The following TMEM117 variants were observed in gnomAD, a reference collection of about 807,000 sequenced individuals.
The protein encoded by TMEM117 is transmembrane protein 117.
In TMEM117, 27 loss-of-function variants were observed where a neutral mutation model predicts 52.4. That is an observed-to-expected ratio of 0.51 (90% CI 0.38 to 0.71). The LOEUF is 0.71. Among genes scored for constraint, TMEM117 ranks in the 30% least tolerant of loss-of-function variants. The pLI is 0.00. For missense variants in TMEM117, 556 were observed against 630.5 expected, an observed-to-expected ratio of 0.88 and a Z score of 1.26; for synonymous variants, 215 against 206.3, an observed-to-expected ratio of 1.04 and a Z score of -0.36.
intron 2 of TMEM117, among the ~76,000 whole-genome samples, chr12:43,897,246 G>C (rs747156242): frequency 8.6e-5 from 13 of 151,514 alleles, no homozygotes; most frequent in Admixed American, 3.3e-4. Context: ...GACTTTTGTG[G>C]TACTGAATTA....
At chr12:44,206,095 T>G (rs2138382522) in intron 4 of TMEM117, among the ~76,000 whole-genome samples, 1 of 152,318 alleles carries the variant, frequency 6.6e-6, no homozygotes, top group Non-Finnish European at 1.5e-5. Context: ...GCATTATTTC[T>G]TTTAATTTTA....
At chr12:43,917,533 C>A (rs186108074) in intron 2 of TMEM117, among the ~76,000 whole-genome samples, 1 of 152,246 alleles carries the variant, frequency 6.6e-6, no homozygotes, top group African/African-American at 2.4e-5. Flanking sequence ...ACTGTCACCC[C>A]AGTGGGCAGT....
chr12:43,854,379 C>G (rs1275861764), intron 2 of TMEM117, among the ~76,000 whole-genome samples: 1 of 148,712 alleles, frequency 6.7e-6, no homozygotes, highest in African/African-American at 2.5e-5. Context: ...TATGAGTAGG[C>G]AAGAGTGAGA....
chr12:43,886,850 A>G (rs1024214427), intron 2 of TMEM117, among the ~76,000 whole-genome samples: 5 of 151,178 alleles, frequency 3.3e-5, no homozygotes, highest in Admixed American at 2.6e-4. Flanking sequence ...GGCCTCACCT[A>G]TTTTCTCTTT....
chr12:43,842,503 A>G (rs1289156987), intron 1 of TMEM117, among the ~76,000 whole-genome samples: 1 of 152,160 alleles, frequency 6.6e-6, no homozygotes, highest in Non-Finnish European at 1.5e-5. Flanking sequence ...TAGTCATGAC[A>G]AGTCCTCATT....
chr12:44,153,025 A>G (rs1948777103), intron 4 of TMEM117, among the ~76,000 whole-genome samples: 1 of 151,574 alleles, frequency 6.6e-6, no homozygotes, highest in Admixed American at 6.6e-5. Context: ...AGAAATGTTC[A>G]GGGGAGTCAT....
At chr12:43,798,304 C>T in the TMEM117 span, among the ~76,000 whole-genome samples, 3 of 152,128 alleles carry the variant, frequency 2.0e-5, no homozygotes, top group African/African-American at 7.2e-5. Context: ...AGTTATACTA[C>T]TGCAGAAGTT....
chr12:44,092,108 G>A (rs1319958157), intron 3 of TMEM117, among the ~76,000 whole-genome samples: 1 of 152,176 alleles, frequency 6.6e-6, no homozygotes, highest in Non-Finnish European at 1.5e-5. Flanking sequence ...TGGTAACAAA[G>A]AATGGTTATG....
chr12:44,266,171 A>C (rs1200581874), intron 5 of TMEM117, among the ~76,000 whole-genome samples: 1 of 152,132 alleles, frequency 6.6e-6, no homozygotes. Context: ...ACTCCTGGGT[A>C]ATATAGTAAC....
chr12:43,907,509 G>A (rs1944413777), intron 2 of TMEM117, among the ~76,000 whole-genome samples: 2 of 150,978 alleles, frequency 1.3e-5, no homozygotes, highest in African/African-American at 2.4e-5. Flanking sequence ...TGACTTTGAC[G>A]AGCTGAGAGA....
chr12:44,322,896 G>T, intron 6 of TMEM117, among the ~76,000 whole-genome samples: 1 of 152,130 alleles, frequency 6.6e-6, no homozygotes, highest in African/African-American at 2.4e-5. Context: ...GGCAAAGGGG[G>T]ATTAAGGTTA....
At chr12:43,944,014 G>T (rs560388322) in intron 2 of TMEM117, among the ~76,000 whole-genome samples, 196 bp from the exon 3 acceptor site, 1 of 152,108 alleles carries the variant, frequency 6.6e-6, no homozygotes, top group African/African-American at 2.4e-5. Flanking sequence ...TATGAGGATC[G>T]TCTTCGACTT....
chr12:44,265,141 C>G (rs1007979841), intron 5 of TMEM117, among the ~76,000 whole-genome samples: 2 of 152,114 alleles, frequency 1.3e-5, no homozygotes, highest in African/African-American at 4.8e-5. Flanking sequence ...TTAGAGAACT[C>G]TCTGAGGTTT....
intron 2 of TMEM117, among the ~76,000 whole-genome samples, chr12:43,914,227 A>G (rs1232669817): frequency 2.6e-5 from 4 of 152,080 alleles, no homozygotes; most frequent in Admixed American, 6.5e-5. Flanking sequence ...ATATTCATCT[A>G]TGGGGAAAAC....
chr12:44,028,129 T>C (rs1456141278), intron 3 of TMEM117, among the ~76,000 whole-genome samples: 1 of 151,746 alleles, frequency 6.6e-6, no homozygotes, highest in Non-Finnish European at 1.5e-5. Context: ...GGAGGTGGAG[T>C]GTGCAGTGAG....
At chr12:43,816,240 C>T in the TMEM117 span, among the ~76,000 whole-genome samples, 2 of 152,160 alleles carry the variant, frequency 1.3e-5, no homozygotes, top group Non-Finnish European at 2.9e-5. Context: ...TTCTGTTCTG[C>T]TTCATTATAC....
At chr12:43,807,296 TG>T in the TMEM117 span, among the ~76,000 whole-genome samples, 1 of 152,236 alleles carries the variant, frequency 6.6e-6, no homozygotes, top group Non-Finnish European at 1.5e-5. Context: ...TACTATACGA[TG>T]TATTTTTCAT....
intron 3 of TMEM117, among the ~76,000 whole-genome samples, chr12:44,065,100 A>G (rs1482540573): frequency 6.6e-6 from 1 of 152,182 alleles, no homozygotes; most frequent in Non-Finnish European, 1.5e-5. Context: ...ATAATAGTAA[A>G]CTGGCTGGGC....
intron 5 of TMEM117, among the ~76,000 whole-genome samples, chr12:44,233,964 A>G (rs1016667134): frequency 3.3e-5 from 5 of 151,480 alleles, no homozygotes; most frequent in South Asian, 2.1e-4. Context: ...AACAGAATTT[A>G]GTAATCTTGC....
Sources: allele counts gnomAD v4.1 joint callset (sites outside exome capture counted in the v4.1 genomes callset), GRCh38; gene constraint gnomAD v4.1.1; transcripts MANE v1.5; gene names NCBI Gene and HGNC (gene_info 2026-07-23, HGNC 2026-07-21).